EHMT1: variants seen among roughly 807,000 people sequenced by gnomAD.
EHMT1 encodes euchromatic histone lysine methyltransferase 1, also known as histone-lysine N-methyltransferase EHMT1.
A neutral mutation model predicts 147.2 loss-of-function variants in EHMT1; 15 were observed. The observed-to-expected ratio is 0.10, with a 90% CI of 0.07 to 0.16. The LOEUF is 0.16. Among genes scored for constraint, EHMT1 ranks in the 10% least tolerant of loss-of-function variants. The pLI is 1.00. For synonymous variants in EHMT1, 795 were observed against 709.6 expected, an observed-to-expected ratio of 1.12 and a Z score of -1.91; for missense variants, 1,587 against 1,772.4, an observed-to-expected ratio of 0.90 and a Z score of 1.88.
chr9:137,797,949 C>T lies in EHMT1; in HGVS notation c.2506-864C>T, dbSNP rs540110366. Among the ~76,000 whole-genome samples, 12 of 152,324 alleles carry T rather than the reference C, an allele frequency of 7.9e-5. No homozygotes were observed. The East Asian group carries it at 1.7e-3, about 22-fold the overall frequency. On this transcript the variant is annotated intron_variant, in intron 16 of 26. Coordinates refer to ENST00000460843, the MANE Select transcript of EHMT1 (RefSeq NM_024757.5). Reference sequence around the variant, plus strand: ...GATGGCACAGCGGTGTGGGCGGCACCGGCTCCCCTGCCTCTTCTGGAGCTT... The same window carrying T: ...GATGGCACAGCGGTGTGGGCGGCACTGGCTCCCCTGCCTCTTCTGGAGCTT...
intron 1 of EHMT1, among the ~76,000 whole-genome samples, chr9:137,668,511 T>G (rs1395358218): frequency 1.3e-5 from 2 of 152,220 alleles, no homozygotes; most frequent in Non-Finnish European, 2.9e-5. Context: ...ATACCAGAAC[T>G]ACTAGTACTG....
At chr9:137,765,025 T>G (rs10867063) in intron 10 of EHMT1, among the ~76,000 whole-genome samples, 51,419 of 152,188 alleles carry the variant, frequency 0.34, 9,011 homozygotes, top group Admixed American at 0.43. Context: ...CTGTGGAGGT[T>G]CGTGCGCTGG....
intron 1 of EHMT1, among the ~76,000 whole-genome samples, chr9:137,697,555 A>T (rs1250045244): frequency 6.6e-6 from 1 of 152,176 alleles, no homozygotes; most frequent in South Asian, 2.1e-4. Context: ...TTTTAGCCTC[A>T]TGTAGAAGGA....
At chr9:137,754,742 C>T (rs904328614) in intron 8 of EHMT1, among the ~76,000 whole-genome samples, 1 of 152,232 alleles carries the variant, frequency 6.6e-6, no homozygotes, top group South Asian at 2.1e-4. Flanking sequence ...GTCTCGAACT[C>T]CTGAGCTCAA....
At chr9:137,829,676 C>T (rs1956059796) in intron 25 of EHMT1, among the ~76,000 whole-genome samples, 1 of 152,282 alleles carries the variant, frequency 6.6e-6, no homozygotes, top group Admixed American at 6.5e-5. Context: ...GCAGCCCACA[C>T]AGTGGCCTAT....
Position 137,728,542 on chromosome 9 carries a change from C to T in EHMT1, c.823+13C>T, listed in dbSNP as rs191845460. 5.6e-6 allele frequency: 9 copies of T among 1,614,016 alleles called. No homozygotes were observed. In the African/African-American group the frequency reaches 6.7e-5, roughly 12 times the overall value. On this transcript the variant is annotated intron_variant, in intron 4 of 26. Coordinates refer to ENST00000460843, the MANE Select transcript of EHMT1 (RefSeq NM_024757.5). ...AAATCACAGACAGGTAAAGAGGACC[C>T]GGCAACTGTCTCTGCTCTTTGAATG... is the stretch of plus-strand genomic sequence containing the variant.
intron 4 of EHMT1, among the ~76,000 whole-genome samples, chr9:137,738,389 A>G (rs1324544965): frequency 1.3e-5 from 2 of 152,182 alleles, no homozygotes; most frequent in African/African-American, 4.8e-5. Flanking sequence ...GACAGCAACT[A>G]TCAAAACAGA....
Position 137,717,008 on chromosome 9 carries a change from T to A in EHMT1, c.468T>A (p.Pro156=), listed in dbSNP as rs1945386923. 6.2e-7 allele frequency: 1 copy of A among 1,607,180 alleles called. No individual in the cohort carries two copies. The highest frequency in any genetic ancestry group is 1.7e-5 in the Admixed American group (1 of 59,662). Residue 156 remains proline (P), a synonymous_variant, in exon 3 of 27, where the codon CCT becomes CCA. Transcript: ENST00000460843. The stretch of plus-strand genomic sequence containing the variant: ...CTGGCCATGCTGCAAAAACCCTTCC[T>A]GGAGGGGCTGGCAAAGGCAGGACTC... The part of the protein sequence containing the change: ...SLPGHAAKTL[P]GGAGKGRTPS...
At position 137,717,048 on chromosome 9, in the gene EHMT1, C is replaced by G; in HGVS notation, c.508C>G (p.Gln170Glu). ...GKGRTPSAFPQTPAAPPATLG... is the reference protein window; with the variant it reads ...GKGRTPSAFPETPAAPPATLG... Reference sequence around the variant, plus strand: ...AGGCAGGACTCCAAGCGCTTTTCCCCAGACGCCAGCCGCCCCACCAGCCAC... The same window carrying G: ...AGGCAGGACTCCAAGCGCTTTTCCCGAGACGCCAGCCGCCCCACCAGCCAC... The change falls in exon 3 of 27, where the codon CAG becomes GAG. Residue 170 changes from glutamine to glutamate, a missense_variant. Gln to Glu is a conservative substitution (Grantham distance 29). Coordinates refer to ENST00000460843, the MANE Select transcript of EHMT1 (RefSeq NM_024757.5). The G allele has an allele frequency of 6.2e-7, 1 of 1,607,018 alleles. No homozygotes were observed. Among genetic ancestry groups the G allele is most frequent in the Non-Finnish European group, 8.5e-7 (1 of 1,175,894 alleles).
chr9:137,813,393 G>A lies in EHMT1; in HGVS notation c.3043G>A (p.Ala1015Thr), dbSNP rs764291502. Residue 1015 changes from alanine to threonine, a missense_variant, in exon 21 of 27, where the codon GCT becomes ACT. Physicochemically the swap from Ala to Thr is moderately conservative, Grantham distance 58. Transcript: ENST00000460843. This position sits in a 1 kb window ranked among gnomAD's most constrained non-coding sequence, Gnocchi z 4.9. The stretch of plus-strand genomic sequence containing the variant: ...CTGTCCTTTCCATGGCAGGGACATC[G>A]CTCGAGGCTACGAGCGCATCCCCAT... ...PVERIVSRDI[A>T]RGYERIPIPC... The A allele has an allele frequency of 1.1e-5, 17 of 1,611,214 alleles. No homozygotes were observed. The highest frequency in any genetic ancestry group is 2.2e-5 in the East Asian group (1 of 44,804).
intron 1 of EHMT1, among the ~76,000 whole-genome samples, chr9:137,692,089 A>G (rs1041219313): frequency 2.0e-5 from 3 of 152,320 alleles, no homozygotes; most frequent in South Asian, 2.1e-4. Flanking sequence ...TGGAAATGGT[A>G]TAGGATGAGA....
Position 137,834,958 on chromosome 9 carries a change from C to G in EHMT1, c.*5C>G. 1 of 1,419,992 alleles carries G rather than the reference C, an allele frequency of 7.0e-7. No individual in the cohort carries two copies. Among genetic ancestry groups the G allele is most frequent in the Non-Finnish European group, 9.1e-7 (1 of 1,095,662 alleles). The allele number at this position is 1,419,992 out of a possible 1,614,324, so 88.0% of individuals were successfully genotyped here. ...GCTGCCGCCGACCCCCTATGAGACG[C>G]CGCCGGCCAGCGGGGCGCTCGGGAG... is the stretch of plus-strand genomic sequence containing the variant. On this transcript the variant is annotated 3_prime_UTR_variant, in exon 27 of 27. Coordinates refer to ENST00000460843, the MANE Select transcript of EHMT1 (RefSeq NM_024757.5).
In EHMT1 at chr9:137,717,079, G is replaced by T; in HGVS notation, c.539G>T (p.Gly180Val). 6.2e-7 allele frequency: 1 copy of T among 1,611,060 alleles called. No individual in the cohort carries two copies. Among genetic ancestry groups the T allele is most frequent in the South Asian group, 1.1e-5 (1 of 91,050 alleles). ...CCAGCCGCCCCACCAGCCACCCTTG[G>T]GGAGGGGAGTGCTGACACAGAGGAC... Reference protein sequence around the residue: ...QTPAAPPATLGEGSADTEDRK... With the variant: ...QTPAAPPATLVEGSADTEDRK... The change falls in exon 3 of 27, where the codon GGG (glycine) becomes GTG (valine). Residue 180 changes from glycine to valine, a missense_variant. Physicochemically the swap from Gly to Val is moderately radical, Grantham distance 109 (BLOSUM62 -3). Transcript: ENST00000460843.
At chr9:137,810,403 C>T (rs1208760126) in intron 18 of EHMT1, among the ~76,000 whole-genome samples, 3 of 152,328 alleles carry the variant, frequency 2.0e-5, no homozygotes, top group African/African-American at 7.2e-5. Context: ...ACAGCGTGGG[C>T]GTGTTCCTCA....
intron 10 of EHMT1, 168 bp downstream of exon 10, chr9:137,762,988 G>A (rs1949950259): frequency 8.3e-6 from 7 of 842,124 alleles, no homozygotes; most frequent in Non-Finnish European, 1.4e-5. Context: ...GTGAAATCAC[G>A]GCAGATGATG....
intron 18 of EHMT1, among the ~76,000 whole-genome samples, chr9:137,809,136 C>T (rs555865092): frequency 2.6e-5 from 4 of 152,306 alleles, no homozygotes; most frequent in Non-Finnish European, 4.4e-5. Flanking sequence ...ACACGGAGTT[C>T]GCTTTTAGTT....
At chr9:137,654,119 C>T (rs570716487) in intron 1 of EHMT1, among the ~76,000 whole-genome samples, 7 of 152,278 alleles carry the variant, frequency 4.6e-5, no homozygotes, top group African/African-American at 7.2e-5. Flanking sequence ...CGGTGGCTCA[C>T]GCCTGTAATC....
chr9:137,717,975 G>A (rs1373176302), intron 3 of EHMT1, among the ~76,000 whole-genome samples: 1 of 152,262 alleles, frequency 6.6e-6, no homozygotes, highest in African/African-American at 2.4e-5. Flanking sequence ...AGCAGAATGA[G>A]TCTTGAATCC....
chr9:137,717,284 G>T (rs547934043), intron 3 of EHMT1, 102 bp downstream of exon 3: 74 of 1,446,510 alleles, frequency 5.1e-5, no homozygotes, highest in Non-Finnish European at 6.8e-5. Context: ...GTAAGTGTCA[G>T]TGGTTATCCG....
Sources: gnomAD v4.1 joint callset for allele counts (sites outside exome capture counted in the v4.1 genomes callset) on GRCh38, gnomAD v4.1.1 for gene constraint, Gnocchi (gnomAD v3.1) non-coding constraint, MANE v1.5 for transcripts, NCBI Gene and HGNC (gene_info 2026-07-23, HGNC 2026-07-21) for gene names.